Variants in WNT8A observed in about 807,000 individuals in gnomAD.
WNT8A encodes protein Wnt-8a.
In WNT8A, 14 loss-of-function variants were observed where a neutral mutation model predicts 20.5. That is an observed-to-expected ratio of 0.68 (90% CI 0.45 to 1.07). WNT8A has a LOEUF of 1.07. WNT8A is among the 50% of genes least tolerant of loss of function. WNT8A has a pLI of 0.00. For missense variants in WNT8A, 397 were observed against 462.9 expected (o/e 0.86, Z 1.31); for synonymous variants, 167 against 169.2 (o/e 0.99, Z 0.10).
intron 2 of WNT8A, among the ~76,000 whole-genome samples, chr5:138,085,934 A>G (rs1750648494): frequency 6.6e-6 from 1 of 151,556 alleles, no homozygotes; most frequent in African/African-American, 2.4e-5. Context: ...GGGAGTATGT[A>G]GAAATAAAAT....
Position 138,084,139 on chromosome 5 carries a change from C to T in WNT8A, c.12C>T (p.Cys4=). MLC[C]IQCLCLVSPF... ...GCAGCTCTGGGCATATGCTGTGCTG[C>T]ATTCAGTGCCTCTGCCTGGTAAGTC... The change falls in exon 1 of 5, where the codon TGC becomes TGT. Residue 4 remains cysteine (C), a synonymous_variant. Transcript: ENST00000506684. 1.2e-6 allele frequency: 2 copies of T among 1,614,232 alleles called. No individual in the cohort carries two copies. The highest frequency in any genetic ancestry group is 8.5e-7 in the Non-Finnish European group (1 of 1,180,046).
At position 138,090,597 on chromosome 5, in the gene WNT8A, T is replaced by C; in HGVS notation, c.634T>C (p.Cys212Arg). The change falls in exon 5 of 5, where the codon TGC becomes CGC. Residue 212 changes from cysteine to arginine, a missense_variant. Cys to Arg is a radical substitution (Grantham distance 180, BLOSUM62 -3). Transcript: ENST00000506684. Reference sequence around the variant, plus strand: ...CTCTGGGAGCTGCAGCATACAGACATGCTGGCTGCAGCTGGCTGAATTCCG... The same window carrying C: ...CTCTGGGAGCTGCAGCATACAGACACGCTGGCTGCAGCTGGCTGAATTCCG... The part of the protein sequence containing the change: ...GISGSCSIQT[C>R]WLQLAEFREM... 6.2e-7 allele frequency: 1 copy of C among 1,614,212 alleles called. No homozygotes were observed. The highest frequency in any genetic ancestry group is 8.5e-7 in the Non-Finnish European group (1 of 1,180,034).
intron 4 of WNT8A, among the ~76,000 whole-genome samples, chr5:138,089,432 T>C (rs1001846707): frequency 1.3e-5 from 2 of 152,194 alleles, no homozygotes; most frequent in African/African-American, 4.8e-5. Context: ...AGGGCCTTGT[T>C]GTCCAGCCTT....
upstream of WNT8A, among the ~76,000 whole-genome samples, chr5:138,079,289 CTT>C (rs539107005): frequency 8.7e-4 from 128 of 146,892 alleles, no homozygotes; most frequent in Non-Finnish European, 1.1e-3. Context: ...ATTATATAAA[CTT>C]ATAATTATAT....
chr5:138,084,238 T>C lies in WNT8A; in HGVS notation c.111T>C (p.Ser37=), dbSNP rs370162074. 3.7e-6 allele frequency: 6 copies of C among 1,614,026 alleles called. No individual in the cohort carries two copies. The African/African-American group carries it at 5.3e-5, about 14-fold the overall frequency. Residue 37 remains serine, a synonymous_variant, in exon 1 of 5, where the codon TCT becomes TCC. Coordinates refer to ENST00000506684, the MANE Select transcript of WNT8A (RefSeq NM_001300939.2). ...LIPIHLCLTF[S]LFGRSVNNFL... ...CCATTCACCTCTGCCTCACTTTTTC[T>C]CTTTTTGGTAGGTCAGTGAACAATT...
chr5:138,091,206 C>G lies in WNT8A; in HGVS notation c.*133C>G. The G allele has an allele frequency of 8.4e-6, 13 of 1,541,328 alleles. No homozygotes were observed. The highest frequency in any genetic ancestry group is 1.0e-5 in the Non-Finnish European group (12 of 1,155,792). On this transcript the variant is annotated 3_prime_UTR_variant, in exon 5 of 5. Transcript: ENST00000506684. ...CTGTAGTCCTCATGATATCTGCTAT[C>G]AGTGGGGAAAATGGAGGCCCAAGAT...
upstream of WNT8A, among the ~76,000 whole-genome samples, chr5:138,082,745 C>T (rs918599302): frequency 7.9e-5 from 12 of 151,834 alleles, no homozygotes; most frequent in South Asian, 8.3e-4. Context: ...GGCATGGTGG[C>T]GCACACCTGT....
upstream of WNT8A, chr5:138,084,006 A>T: frequency 7.6e-7 from 1 of 1,320,322 alleles, no homozygotes; most frequent in South Asian, 1.4e-5. Flanking sequence ...TTTCTCACAT[A>T]AATACTGAGG....
the WNT8A span, among the ~76,000 whole-genome samples, chr5:138,077,684 G>T: frequency 1.2e-3 from 189 of 152,206 alleles, 4 homozygotes; most frequent in Middle Eastern, 0.01. Context: ...AAAAACAAGC[G>T]GTTTTAGCCA....
chr5:138,083,939 T>C (rs761455304), upstream of WNT8A: 10 of 760,028 alleles, frequency 1.3e-5, no homozygotes, highest in African/African-American at 1.8e-5. Flanking sequence ...CCTGCAGCCC[T>C]GCCAGTTAGG....
chr5:138,092,325 A>G (rs1750879177), downstream of WNT8A: 2 of 152,270 alleles, frequency 1.3e-5, no homozygotes, highest in African/African-American at 2.4e-5. Flanking sequence ...AAAACAATAC[A>G]GACTCCCAGA....
At chr5:138,084,661 T>A in intron 2 of WNT8A, 25 bp downstream of exon 2, 3 of 1,588,118 alleles carry the variant, frequency 1.9e-6, no homozygotes, top group Non-Finnish European at 2.6e-6. Flanking sequence ...GACTCACCTG[T>A]ACAAGGGGTA....
Position 138,084,235 on chromosome 5 carries a change from TTC to T in WNT8A, c.112_113del (p.Leu38PhefsTer3). On this transcript the variant is annotated frameshift_variant, in exon 1 of 5. Coordinates refer to ENST00000506684, the MANE Select transcript of WNT8A (RefSeq NM_001300939.2). LOFTEE classifies it high-confidence loss of function. The stretch of plus-strand genomic sequence containing the variant: ...TCCCCATTCACCTCTGCCTCACTTT[TTC>T]TCTTTTTGGTAGGTCAGTGAACAAT... ...LIPIHLCLTF[S>X]LFGRSVNNFL... is the part of the protein sequence containing the mutation. The T allele has an allele frequency of 6.2e-7, 1 of 1,614,200 alleles. No individual in the cohort carries two copies. The highest frequency in any genetic ancestry group is 1.1e-5 in the South Asian group (1 of 91,086).
chr5:138,084,486 T>A lies in WNT8A; in HGVS notation c.157-12T>A, dbSNP rs753349926. ...ACCGGGCAGAAGCTCACAGCCCTTTTCCCTTTGCCAGGCCTATCTGACCTA... is the reference window on the plus strand; with the variant it reads ...ACCGGGCAGAAGCTCACAGCCCTTTACCCTTTGCCAGGCCTATCTGACCTA... On this transcript the variant is annotated splice_polypyrimidine_tract_variant and intron_variant, in intron 1 of 4. Transcript: ENST00000506684. 1.0e-5 allele frequency: 16 copies of A among 1,591,736 alleles called. No homozygotes were observed. The Admixed American group carries it at 2.8e-4, about 28-fold the overall frequency.
Position 138,091,066 on chromosome 5 carries a change from G to A in WNT8A, c.1103G>A (p.Ser368Asn), listed in dbSNP as rs370638082. The change falls in exon 5 of 5, where the codon AGT (serine) becomes AAT (asparagine). Residue 368 changes from serine (S) to asparagine (N), a missense_variant. Physicochemically the swap from Ser to Asn is conservative, Grantham distance 46. Transcript: ENST00000506684. ...PGSAQSLGKG[S>N]A is the part of the protein sequence containing the mutation. ...AGTGCCCAGTCCCTGGGTAAGGGCA[G>A]TGCCTGATAATACCCCACACAAGTT... 1.9e-6 allele frequency: 3 copies of A among 1,609,794 alleles called. No individual in the cohort carries two copies. The highest frequency in any genetic ancestry group is 2.5e-6 in the Non-Finnish European group (3 of 1,177,448).
chr5:138,077,723 C>G, the WNT8A span, among the ~76,000 whole-genome samples: 2 of 152,268 alleles, frequency 1.3e-5, no homozygotes, highest in East Asian at 3.9e-4. Context: ...GTGAGCCCCT[C>G]CAACTCTAAC....
the WNT8A span, among the ~76,000 whole-genome samples, chr5:138,078,353 A>T: frequency 6.6e-6 from 1 of 152,040 alleles, no homozygotes; most frequent in Non-Finnish European, 1.5e-5. Flanking sequence ...CAGAAATCCT[A>T]TCTCTTTGTC....
upstream of WNT8A, chr5:138,083,900 C>A: frequency 1.9e-6 from 1 of 524,070 alleles, no homozygotes; most frequent in Non-Finnish European, 3.3e-6. Context: ...TGAGTCCCTC[C>A]TCCCAGATCC....
chr5:138,083,407 T>C (rs1561573389), upstream of WNT8A, among the ~76,000 whole-genome samples: 1 of 151,950 alleles, frequency 6.6e-6, no homozygotes, highest in Non-Finnish European at 1.5e-5. Flanking sequence ...TATAAAAGGA[T>C]AGATTTGCTA....
Sources: gnomAD v4.1 joint callset for allele counts (sites outside exome capture counted in the v4.1 genomes callset) on GRCh38, gnomAD v4.1.1 for gene constraint, MANE v1.5 for transcripts, NCBI Gene and HGNC (gene_info 2026-07-23, HGNC 2026-07-21) for gene names.